The following EPS15 variants were observed in gnomAD, a reference collection of about 807,000 sequenced individuals.
EPS15 encodes the protein epidermal growth factor receptor substrate 15.
A neutral mutation model predicts 113.8 loss-of-function variants in EPS15; 72 were observed. That is an observed-to-expected ratio of 0.63 (90% CI 0.52 to 0.77). The LOEUF is 0.77. Among genes scored for constraint, EPS15 ranks in the 30% least tolerant of loss-of-function variants. EPS15 has a pLI of 0.00. For missense variants in EPS15, 1,048 were observed against 1,045.8 expected (o/e 1.00, Z -0.03); for synonymous variants, 344 against 363.4 (o/e 0.95, Z 0.61).
intron 1 of EPS15, among the ~76,000 whole-genome samples, chr1:51,489,299 ATATATATGTATGTATG>A (rs200067719): frequency 0.029 from 4,406 of 149,358 alleles, 74 homozygotes; most frequent in African/African-American, 0.049. Flanking sequence ...ATATATATAT[ATATATATGTATGTATG>A]TATGTATGTA....
intron 7 of EPS15, among the ~76,000 whole-genome samples, chr1:51,462,578 G>A (rs1354160041): frequency 6.6e-6 from 1 of 152,020 alleles, no homozygotes; most frequent in Non-Finnish European, 1.5e-5. Context: ...AGAGAAGGCA[G>A]ATAATTTACT....
At chr1:51,437,564 C>G (rs911752025) in intron 12 of EPS15, among the ~76,000 whole-genome samples, 2 of 150,002 alleles carry the variant, frequency 1.3e-5, no homozygotes, top group Non-Finnish European at 3.0e-5. Context: ...CTCACTGCAA[C>G]CTCTGCCTCC....
intron 15 of EPS15, among the ~76,000 whole-genome samples, chr1:51,406,988 A>C (rs1356315201): frequency 6.6e-6 from 1 of 152,060 alleles, no homozygotes; most frequent in Non-Finnish European, 1.5e-5. Context: ...GCCAGATAAC[A>C]GGGGGTAAGG....
chr1:51,389,210 A>G (rs910641833), intron 21 of EPS15, among the ~76,000 whole-genome samples: 79 of 152,364 alleles, frequency 5.2e-4, no homozygotes, highest in African/African-American at 1.8e-3. Context: ...AGAACCAAAG[A>G]CAAAAACCAC....
rs540440300 is a variant in EPS15 at position 51,404,669 on chromosome 1, T to C, written c.1678-1137A>G. On this transcript the variant is annotated intron_variant, in intron 16 of 24. Coordinates refer to ENST00000371733, the MANE Select transcript of EPS15 (RefSeq NM_001981.3). ...CTTAAAATTCTTCAATGGCTGTTCA[T>C]TGCAGTAGGATAAATCCCCCAATGC... Among the ~76,000 whole-genome samples, 6 of 152,346 alleles carry C rather than the reference T, an allele frequency of 3.9e-5. No homozygotes were observed. In the East Asian group the frequency reaches 7.7e-4, roughly 20 times the overall value.
chr1:51,490,877 G>A (rs931692661), intron 1 of EPS15, among the ~76,000 whole-genome samples: 1 of 152,022 alleles, frequency 6.6e-6, no homozygotes, highest in African/African-American at 2.4e-5. Context: ...TTTAAATAAG[G>A]TCTGTGGGTT....
At chr1:51,516,714 T>G (rs192888830) in intron 1 of EPS15, among the ~76,000 whole-genome samples, 1 of 152,328 alleles carries the variant, frequency 6.6e-6, no homozygotes, top group African/African-American at 2.4e-5. Flanking sequence ...GTCTAGTACA[T>G]AATAGGTACT....
chr1:51,508,266 GAGAGAGAA>G (rs1349614888), intron 1 of EPS15, among the ~76,000 whole-genome samples: 81 of 129,082 alleles, frequency 6.3e-4, no homozygotes, highest in Admixed American at 1.1e-3. Flanking sequence ...GAGAGAGAGA[GAGAGAGAA>G]AGAGAGAAAG....
At chr1:51,358,709 G>GTTTTTTTTTTTTTTTTT (rs71063028) in intron 24 of EPS15, among the ~76,000 whole-genome samples, 2 of 121,376 alleles carry the variant, frequency 1.6e-5, no homozygotes, top group Non-Finnish European at 3.5e-5. Context: ...GTTTTTTTTT[G>GTTTTTTTTTTTTTTTTT]TTTTTTTTTT....
At chr1:51,430,563 G>C (rs1219508303) in intron 12 of EPS15, among the ~76,000 whole-genome samples, 1 of 136,516 alleles carries the variant, frequency 7.3e-6, no homozygotes, top group African/African-American at 2.9e-5. Flanking sequence ...GCAAGACTTC[G>C]TCTCAAAAAA....
chr1:51,451,490 C>CAAAAAAAA (rs56091976), intron 8 of EPS15, among the ~76,000 whole-genome samples: 29 of 50,234 alleles, frequency 5.8e-4, no homozygotes, highest in Admixed American at 6.7e-4. Context: ...GACTCCATCT[C>CAAAAAAAA]AAAAAAAAAA....
chr1:51,473,062 A>C (rs1655358105), intron 2 of EPS15, 114 bp from the exon 3 acceptor site: 5 of 775,112 alleles, frequency 6.5e-6, no homozygotes, highest in Non-Finnish European at 1.1e-5. Context: ...GAAAGGAATG[A>C]GAATCCTTTG....
At chr1:51,422,020 A>C (rs1650806473) in intron 12 of EPS15, 162 bp from the exon 13 acceptor site, 2 of 1,310,672 alleles carry the variant, frequency 1.5e-6, no homozygotes, top group East Asian at 5.6e-5. Flanking sequence ...TATTTATGAA[A>C]TAAAAATCAA....
At chr1:51,374,998 T>TTTTG (rs1445010860) in intron 21 of EPS15, among the ~76,000 whole-genome samples, 1 of 130,560 alleles carries the variant, frequency 7.7e-6, no homozygotes, top group East Asian at 2.1e-4. Context: ...ATATACTTCT[T>TTTTG]TTTTTTTTTT....
intron 8 of EPS15, among the ~76,000 whole-genome samples, chr1:51,449,410 A>C (rs1413857130): frequency 6.6e-6 from 1 of 152,162 alleles, no homozygotes; most frequent in Non-Finnish European, 1.5e-5. Context: ...GTCACAAAGA[A>C]GGAAACAACA....
intron 1 of EPS15, among the ~76,000 whole-genome samples, chr1:51,513,826 CCT>C (rs1557542400): frequency 6.6e-6 from 1 of 152,118 alleles, no homozygotes; most frequent in Non-Finnish European, 1.5e-5. Context: ...TATTATCATT[CCT>C]CTAATCAATT....
chr1:51,399,444 C>T (rs902513810), intron 19 of EPS15, among the ~76,000 whole-genome samples: 3 of 151,824 alleles, frequency 2.0e-5, no homozygotes, highest in Non-Finnish European at 2.9e-5. Context: ...CCCAGCTACT[C>T]GGGAGGCTGA....
chr1:51,455,615 C>T (rs944458717), intron 8 of EPS15, among the ~76,000 whole-genome samples: 3 of 151,874 alleles, frequency 2.0e-5, no homozygotes, highest in African/African-American at 7.3e-5. Flanking sequence ...GAAAAATTTG[C>T]TCCTTTTACA....
chr1:51,410,211 A>G (rs1043683309), intron 13 of EPS15, among the ~76,000 whole-genome samples: 3 of 151,508 alleles, frequency 2.0e-5, no homozygotes, highest in Admixed American at 6.6e-5. Flanking sequence ...CTGGGCAACA[A>G]GAGTGAAACT....
Sources: gnomAD v4.1 joint callset for allele counts (sites outside exome capture counted in the v4.1 genomes callset) on GRCh38, gnomAD v4.1.1 for gene constraint, MANE v1.5 for transcripts, NCBI Gene and HGNC (gene_info 2026-07-23, HGNC 2026-07-21) for gene names.